The following CERS6 variants were observed in gnomAD, a reference collection of about 807,000 sequenced individuals.
CERS6 encodes LAG1 homolog, ceramide synthase 6.
Under a neutral mutation model 56.8 loss-of-function variants are expected in CERS6, and 26 were observed. That is an observed-to-expected ratio of 0.46 (90% CI 0.34 to 0.63). The LOEUF (loss-of-function observed/expected upper bound fraction) is 0.63. Ranked by LOEUF, CERS6 falls within the 30% of genes least tolerant of loss-of-function variation. CERS6 has a pLI of 0.01. For synonymous variants in CERS6, 164 were observed against 173.3 expected, an observed-to-expected ratio of 0.95 and a Z score of 0.42; for missense variants, 415 against 467.5, an observed-to-expected ratio of 0.89 and a Z score of 1.04.
chr2:168,575,975 T>C (rs937845243), intron 3 of CERS6, among the ~76,000 whole-genome samples: 4 of 152,150 alleles, frequency 2.6e-5, no homozygotes, highest in Admixed American at 1.3e-4. Context: ...TAGTGTCTAA[T>C]GAAGTTGCCT....
intron 7 of CERS6, 57 bp downstream of exon 7, chr2:168,715,186 A>T: frequency 6.6e-7 from 1 of 1,506,610 alleles, no homozygotes. Flanking sequence ...GAAGTCCCCA[A>T]TCTCATTAGC....
At chr2:168,550,981 T>A (rs1695560949) in intron 2 of CERS6, among the ~76,000 whole-genome samples, 1 of 152,196 alleles carries the variant, frequency 6.6e-6, no homozygotes, top group Admixed American at 6.5e-5. Flanking sequence ...CACACACATT[T>A]GGCGGAAGTG....
intron 8 of CERS6, among the ~76,000 whole-genome samples, chr2:168,726,844 G>T (rs1029558010): frequency 2.0e-5 from 3 of 152,110 alleles, no homozygotes; most frequent in Admixed American, 2.0e-4. Context: ...CTATATTAAG[G>T]AATCATAACC....
rs1041961418 is a variant in CERS6, at chr2:168,774,185, A to G, written c.*4523A>G. The G allele has an allele frequency of 6.6e-6, 1 of 152,188 alleles. No individual in the cohort carries two copies. The highest frequency in any genetic ancestry group is 2.4e-5 in the African/African-American group (1 of 41,430). The allele number at this position is 152,188 out of a possible 1,614,324, so 9.4% of individuals were successfully genotyped here. A position where few individuals can be genotyped will look rare whatever the true frequency, so the allele number is the denominator to read the frequency against. Reference sequence around the variant, plus strand: ...GAAAGTCTCTGCAGCCAGATAGTACATGGTGTCTCCACAAAACTAGGCATT... The same window carrying G: ...GAAAGTCTCTGCAGCCAGATAGTACGTGGTGTCTCCACAAAACTAGGCATT... On this transcript the variant is annotated 3_prime_UTR_variant, in exon 10 of 10. Coordinates refer to ENST00000305747, the MANE Select transcript of CERS6 (RefSeq NM_203463.3).
At chr2:168,493,437 T>C (rs1694409369) in intron 1 of CERS6, among the ~76,000 whole-genome samples, 1 of 152,162 alleles carries the variant, frequency 6.6e-6, no homozygotes, top group Admixed American at 6.5e-5. Context: ...GAAGAGCTAA[T>C]AAACACGGAA....
intron 8 of CERS6, among the ~76,000 whole-genome samples, chr2:168,748,925 A>T (rs1684183481): frequency 6.6e-6 from 1 of 151,714 alleles, no homozygotes; most frequent in Admixed American, 6.6e-5. Context: ...AGGGAAGCAG[A>T]TCTCTTGTGT....
chr2:168,758,957 A>G (rs535544667), intron 8 of CERS6, among the ~76,000 whole-genome samples: 1 of 152,344 alleles, frequency 6.6e-6, no homozygotes, highest in Non-Finnish European at 1.5e-5. Context: ...ACAAAAAAAA[A>G]GATTGTGAAC....
chr2:168,644,420 G>A, intron 4 of CERS6: 1 of 919,422 alleles, frequency 1.1e-6, no homozygotes, highest in Non-Finnish European at 1.3e-6. Flanking sequence ...GATGAACAAA[G>A]GTGGGGTCAA....
intron 7 of CERS6, among the ~76,000 whole-genome samples, chr2:168,715,850 A>G (rs2105390318): frequency 6.6e-6 from 1 of 152,288 alleles, no homozygotes; most frequent in African/African-American, 2.4e-5. Flanking sequence ...AGAAATTAAT[A>G]TAACTGGTCA....
chr2:168,632,446 T>G (rs1256536521), intron 4 of CERS6, among the ~76,000 whole-genome samples: 1 of 152,196 alleles, frequency 6.6e-6, no homozygotes, highest in Non-Finnish European at 1.5e-5. Flanking sequence ...CATATTGTTT[T>G]AGAGGATTGT....
At chr2:168,483,170 T>A (rs1694208027) in intron 1 of CERS6, among the ~76,000 whole-genome samples, 1 of 152,226 alleles carries the variant, frequency 6.6e-6, no homozygotes, top group African/African-American at 2.4e-5. Context: ...ATAGACTATC[T>A]CATTTAATCC....
chr2:168,559,829 G>A (rs1057327968), intron 2 of CERS6, among the ~76,000 whole-genome samples: 1 of 145,652 alleles, frequency 6.9e-6, no homozygotes, highest in African/African-American at 2.5e-5. Context: ...TTACATTAAA[G>A]CATTAGTATC....
At chr2:168,487,103 G>C (rs1354755715) in intron 1 of CERS6, among the ~76,000 whole-genome samples, 2 of 152,016 alleles carry the variant, frequency 1.3e-5, no homozygotes, top group African/African-American at 4.8e-5. Flanking sequence ...GAATGATTTT[G>C]TTTTTGTTTT....
At chr2:168,481,167 A>G (rs1379124767) in intron 1 of CERS6, among the ~76,000 whole-genome samples, 1 of 152,118 alleles carries the variant, frequency 6.6e-6, no homozygotes, top group Admixed American at 6.6e-5. Flanking sequence ...TGTAATCCCA[A>G]CACTTTGGGA....
chr2:168,769,481 G>T, intron 9 of CERS6, 29 bp from the exon 10 acceptor site: 1 of 1,551,578 alleles, frequency 6.4e-7, no homozygotes, highest in Non-Finnish European at 8.7e-7. Context: ...CTTAGGTGCT[G>T]GTTATACTCA....
At chr2:168,631,370 C>A (rs1343327399) in intron 4 of CERS6, among the ~76,000 whole-genome samples, 1 of 136,524 alleles carries the variant, frequency 7.3e-6, no homozygotes, top group East Asian at 2.0e-4. Context: ...TACTCTTCAC[C>A]AGTAGAAATA....
chr2:168,645,981 A>C (rs1046571173), intron 4 of CERS6, among the ~76,000 whole-genome samples: 20 of 152,126 alleles, frequency 1.3e-4, no homozygotes, highest in Non-Finnish European at 2.8e-4. Flanking sequence ...TGCTATTGCA[A>C]ATAGGGCTGC....
chr2:168,738,460 A>C (rs1294863003), intron 8 of CERS6, among the ~76,000 whole-genome samples: 1 of 152,196 alleles, frequency 6.6e-6, no homozygotes, highest in East Asian at 1.9e-4. Flanking sequence ...TGACTTTTTT[A>C]ACACTGTTGT....
rs71003053 is a variant in CERS6, at chr2:168,746,775, GTATATATATA to G, written c.846-18780_846-18771del. On this transcript the variant is annotated intron_variant, in intron 8 of 9. Transcript: ENST00000305747. ...CCAAACTGATTTAAAAGGGTAAAGG[GTATATATATA>G]TATATATATATATATATATATATAT... is the stretch of plus-strand genomic sequence containing the variant. Among the ~76,000 whole-genome samples the G allele has an allele frequency of 8.3e-3, 323 of 39,016 alleles. 3 individuals are homozygous for G. The highest frequency in any genetic ancestry group is 0.023 in the Middle Eastern group (1 of 44). The allele number at this position is 39,016 out of a possible 152,430, so 25.6% of individuals were successfully genotyped here.
Sources: allele counts gnomAD v4.1 joint callset (sites outside exome capture counted in the v4.1 genomes callset), GRCh38; gene constraint gnomAD v4.1.1; transcripts MANE v1.5; gene names NCBI Gene and HGNC (gene_info 2026-07-23, HGNC 2026-07-21).